Variants in CNTNAP2 observed in about 807,000 individuals in gnomAD.
CNTNAP2 encodes the protein contactin associated protein 2.
A neutral mutation model predicts 155.2 loss-of-function variants in CNTNAP2; 98 were observed. That is an observed-to-expected ratio of 0.63 (90% CI 0.54 to 0.75). The LOEUF is 0.75. CNTNAP2 is among the 30% of genes least tolerant of loss of function. The probability of loss-of-function intolerance (pLI) is 0.00; values close to 1 mark genes in which losing one functional copy is unlikely to be tolerated. For synonymous variants in CNTNAP2, 651 were observed against 631.2 expected, an observed-to-expected ratio of 1.03 and a Z score of -0.47; for missense variants, 1,727 against 1,688.1, an observed-to-expected ratio of 1.02 and a Z score of -0.40.
At chr7:148,139,305 C>T (rs1805015234) in intron 16 of CNTNAP2, among the ~76,000 whole-genome samples, 1 of 152,164 alleles carries the variant, frequency 6.6e-6, no homozygotes, top group Non-Finnish European at 1.5e-5. Context: ...TCTCTACATT[C>T]AGAAACTAAA....
chr7:147,495,886 C>G (rs560476388), intron 11 of CNTNAP2, among the ~76,000 whole-genome samples: 2 of 152,168 alleles, frequency 1.3e-5, no homozygotes, highest in Non-Finnish European at 2.9e-5. Context: ...CCTCTATTTA[C>G]AGCCACTCCC....
intron 14 of CNTNAP2, among the ~76,000 whole-genome samples, chr7:147,904,225 G>T (rs1296729632): frequency 6.6e-6 from 1 of 152,186 alleles, no homozygotes; most frequent in African/African-American, 2.4e-5. Context: ...GTAAGTGCTT[G>T]CCTGTCTACT....
chr7:147,950,008 T>A (rs1800897798), intron 14 of CNTNAP2, among the ~76,000 whole-genome samples: 1 of 152,066 alleles, frequency 6.6e-6, no homozygotes, highest in African/African-American at 2.4e-5. Context: ...CAAGTGACAT[T>A]TTCTTGTCAA....
At chr7:148,289,166 C>T (rs996293757) in intron 21 of CNTNAP2, among the ~76,000 whole-genome samples, 2 of 152,088 alleles carry the variant, frequency 1.3e-5, no homozygotes, top group Non-Finnish European at 2.9e-5. Context: ...GTCTCCCAGC[C>T]CCTAGAAAGT....
At chr7:148,293,272 C>T (rs1797223778) in intron 21 of CNTNAP2, among the ~76,000 whole-genome samples, 2 of 151,990 alleles carry the variant, frequency 1.3e-5, no homozygotes, top group South Asian at 4.1e-4. Flanking sequence ...GAAATAGCAA[C>T]CAAAAAATCT....
At chr7:146,663,299 G>GAAAAA (rs1475847666) in intron 1 of CNTNAP2, among the ~76,000 whole-genome samples, 1,698 of 100,522 alleles carry the variant, frequency 0.017, 26 homozygotes, top group Non-Finnish European at 0.021. Flanking sequence ...AAAAAAAAAA[G>GAAAAA]AAAGAAAGAA....
chr7:148,271,198 A>G (rs1446038510), intron 21 of CNTNAP2, among the ~76,000 whole-genome samples: 1 of 152,366 alleles, frequency 6.6e-6, no homozygotes, highest in Non-Finnish European at 1.5e-5. Context: ...ACCACAGACC[A>G]TTGTTACCCT....
intron 1 of CNTNAP2, among the ~76,000 whole-genome samples, chr7:146,145,176 G>A (rs1797940357): frequency 6.6e-6 from 1 of 152,102 alleles, no homozygotes; most frequent in Non-Finnish European, 1.5e-5. Context: ...GAAAGAAAGC[G>A]ACAACAGCTC....
rs538255445 is a variant in CNTNAP2 at position 146,463,115 on chromosome 7, G to T, written c.98-311156G>T. Among the ~76,000 whole-genome samples the T allele has an allele frequency of 2.6e-5, 4 of 151,376 alleles. No individual in the cohort carries two copies. The East Asian group carries it at 7.8e-4, about 29-fold the overall frequency. On this transcript the variant is annotated intron_variant, in intron 1 of 23. Coordinates refer to ENST00000361727, the MANE Select transcript of CNTNAP2 (RefSeq NM_014141.6). ...GGATAAATGGGAAGAAATAGAGGGA[G>T]GAAAATAAAACTGGAAATAAAAACT...
chr7:146,417,633 T>A (rs1395648496), intron 1 of CNTNAP2, among the ~76,000 whole-genome samples: 3 of 151,020 alleles, frequency 2.0e-5, no homozygotes, highest in African/African-American at 7.4e-5. Flanking sequence ...ATCTCTCTTT[T>A]ACTAACTTCA....
At chr7:146,462,828 C>A in intron 1 of CNTNAP2, among the ~76,000 whole-genome samples, 1 of 152,132 alleles carries the variant, frequency 6.6e-6, no homozygotes. Context: ...TGATCCCTTG[C>A]AACAGTTTGG....
At chr7:148,317,723 C>T (rs11764123) in intron 21 of CNTNAP2, among the ~76,000 whole-genome samples, 83,074 of 151,160 alleles carry the variant, frequency 0.55, 24,665 homozygotes, top group Non-Finnish European at 0.67. Flanking sequence ...TTTTTTTAGA[C>T]GGAGTCTTGC....
rs778815007 is a variant in CNTNAP2 at position 148,172,298 on chromosome 7, G to C, written c.2830G>C (p.Gly944Arg). 6.2e-7 allele frequency: 1 copy of C among 1,614,182 alleles called. No individual in the cohort carries two copies. Among genetic ancestry groups the C allele is most frequent in the Non-Finnish European group, 8.5e-7 (1 of 1,180,040 alleles). The change falls in exon 18 of 24, where the codon GGG (glycine) becomes CGG (arginine). Residue 944 changes from glycine to arginine, a missense_variant. Gly to Arg is a moderately radical substitution (Grantham distance 125). Transcript: ENST00000361727. The stretch of plus-strand genomic sequence containing the variant: ...CTGCATCCGCTCCTTGAGGATGAAT[G>C]GGGTGACACTTGACCTGGAGGAAAG... ...LGCIRSLRMN[G>R]VTLDLEERAK...
chr7:146,175,661 A>G (rs1268717542), intron 1 of CNTNAP2, among the ~76,000 whole-genome samples: 2 of 152,218 alleles, frequency 1.3e-5, no homozygotes, highest in African/African-American at 4.8e-5. Context: ...TTCTGGATAA[A>G]ATGCAATGAC....
At chr7:146,757,895 T>C (rs1201536834) in intron 1 of CNTNAP2, among the ~76,000 whole-genome samples, 1 of 152,172 alleles carries the variant, frequency 6.6e-6, no homozygotes, top group Non-Finnish European at 1.5e-5. Context: ...ATTCAGTGGA[T>C]TGGGCCTTCT....
At chr7:146,987,198 A>C (rs1293344256) in intron 3 of CNTNAP2, among the ~76,000 whole-genome samples, 1 of 152,220 alleles carries the variant, frequency 6.6e-6, no homozygotes, top group African/African-American at 2.4e-5. Context: ...AATGATTAGC[A>C]AATACGTTCC....
chr7:147,863,230 T>C (rs1455485244), intron 13 of CNTNAP2, among the ~76,000 whole-genome samples: 1 of 152,176 alleles, frequency 6.6e-6, no homozygotes, highest in Admixed American at 6.5e-5. Context: ...GGTTTCCAGC[T>C]TCTCCACGGC....
At chr7:147,413,802 C>A (rs997203925) in intron 10 of CNTNAP2, among the ~76,000 whole-genome samples, 6 of 152,080 alleles carry the variant, frequency 3.9e-5, no homozygotes, top group Non-Finnish European at 5.9e-5. Flanking sequence ...TGCATCTGGG[C>A]CCCCAGATAC....
intron 3 of CNTNAP2, among the ~76,000 whole-genome samples, chr7:147,025,094 A>G (rs1287302244): frequency 2.0e-5 from 3 of 150,610 alleles, no homozygotes; most frequent in Non-Finnish European, 4.4e-5. Flanking sequence ...GGCCAGCCTG[A>G]CTTACATGGT....
Sources: allele counts gnomAD v4.1 joint callset (sites outside exome capture counted in the v4.1 genomes callset), GRCh38; gene constraint gnomAD v4.1.1; transcripts MANE v1.5; gene names NCBI Gene and HGNC (gene_info 2026-07-23, HGNC 2026-07-21).